Variants in ANKRD13A observed in about 807,000 individuals in gnomAD.
ANKRD13A encodes ankyrin repeat domain-containing protein 13A.
Under a neutral mutation model 81.3 loss-of-function variants are expected in ANKRD13A, and 48 were observed. That is an observed-to-expected ratio of 0.59 (90% CI 0.47 to 0.75). The LOEUF (loss-of-function observed/expected upper bound fraction) is 0.75, where lower values mean the gene tolerates loss of function less well. Among genes scored for constraint, ANKRD13A ranks in the 30% least tolerant of loss-of-function variants. ANKRD13A has a pLI of 0.00. For missense variants in ANKRD13A, 612 were observed against 734.0 expected, an observed-to-expected ratio of 0.83 and a Z score of 1.92; for synonymous variants, 230 against 270.1, an observed-to-expected ratio of 0.85 and a Z score of 1.45.
At position 110,024,105 on chromosome 12, in the gene ANKRD13A, A is replaced by G; in HGVS notation, c.794A>G (p.Glu265Gly). ...AAAGCAGAAGTTGTTAATGGTTACG[A>G]AGCAAAGGTAAAAGGAAACTCTTAA... ...TDKAEVVNGY[E>G]AKVYTVNNVN... Residue 265 changes from glutamate (E) to glycine (G), a missense_variant, in exon 7 of 15, where the codon GAA becomes GGA. By Grantham distance (98) the Glu-to-Gly change is moderately conservative. Transcript: ENST00000261739. The G allele has an allele frequency of 6.2e-7, 1 of 1,605,086 alleles. No homozygotes were observed. Among genetic ancestry groups the G allele is most frequent in the Non-Finnish European group, 8.5e-7 (1 of 1,177,774 alleles).
intron 3 of ANKRD13A, among the ~76,000 whole-genome samples, chr12:110,015,615 C>T (rs777880155): frequency 4.0e-5 from 6 of 151,724 alleles, no homozygotes; most frequent in Non-Finnish European, 8.8e-5. Context: ...AGTGCTATCT[C>T]GGCTCATGGC....
chr12:110,034,725 C>G (rs987844492), intron 13 of ANKRD13A, among the ~76,000 whole-genome samples: 1 of 152,234 alleles, frequency 6.6e-6, no homozygotes, highest in African/African-American at 2.4e-5. Flanking sequence ...TTCTGTGCCT[C>G]CTGGCTCTAC....
chr12:110,027,380 C>A (rs1189635006), intron 8 of ANKRD13A: 1 of 283,738 alleles, frequency 3.5e-6, no homozygotes, highest in African/African-American at 2.2e-5. Flanking sequence ...TCCACTTTGA[C>A]AGATGAGGGA....
intron 12 of ANKRD13A, among the ~76,000 whole-genome samples, chr12:110,031,009 C>T (rs1381500171): frequency 2.6e-5 from 4 of 151,744 alleles, no homozygotes; most frequent in African/African-American, 9.7e-5. Flanking sequence ...GCAGGAGAAT[C>T]GCTTGAACTG....
chr12:110,000,429 T>G (rs1889894340), intron 1 of ANKRD13A, among the ~76,000 whole-genome samples: 2 of 152,226 alleles, frequency 1.3e-5, no homozygotes, highest in Admixed American at 1.3e-4. Context: ...AGTTTGAGAA[T>G]CACGGGTTCT....
chr12:110,017,392 G>T (rs1890851177), intron 4 of ANKRD13A, among the ~76,000 whole-genome samples: 1 of 152,130 alleles, frequency 6.6e-6, no homozygotes, highest in Non-Finnish European at 1.5e-5. Context: ...TACGTAGGCA[G>T]TTGACTGACA....
intron 4 of ANKRD13A, among the ~76,000 whole-genome samples, chr12:110,017,613 C>G (rs756012185): frequency 2.0e-5 from 3 of 152,092 alleles, no homozygotes; most frequent in Non-Finnish European, 4.4e-5. Flanking sequence ...TGCACATAGT[C>G]ACTCTTATTT....
chr12:110,028,746 A>ATTT, intron 10 of ANKRD13A, 104 bp downstream of exon 10: 1 of 1,456,492 alleles, frequency 6.9e-7, no homozygotes, highest in South Asian at 1.3e-5. Flanking sequence ...CACCACCCTT[A>ATTT]TTTTTTTTTC....
chr12:110,016,139 G>C (rs1396708305), intron 3 of ANKRD13A, among the ~76,000 whole-genome samples: 2 of 151,608 alleles, frequency 1.3e-5, no homozygotes, highest in Non-Finnish European at 2.9e-5. Flanking sequence ...TGTGGAGACA[G>C]GGTTTTGCCA....
At chr12:110,021,499 C>T (rs138415560) in intron 6 of ANKRD13A, 4,224 of 150,652 alleles carry the variant, frequency 0.028, 142 homozygotes, top group Admixed American at 0.094. Flanking sequence ...GATCTTGGCT[C>T]ACTGCAACCT....
chr12:110,035,146 T>C (rs1891950109), intron 13 of ANKRD13A, among the ~76,000 whole-genome samples: 1 of 152,146 alleles, frequency 6.6e-6, no homozygotes, highest in African/African-American at 2.4e-5. Flanking sequence ...CCCCTGCACA[T>C]CACCATCAGC....
At chr12:110,014,789 C>CTTTTTTTTTTTT (rs761398140) in intron 3 of ANKRD13A, among the ~76,000 whole-genome samples, 4,318 of 134,764 alleles carry the variant, frequency 0.032, 388 homozygotes, top group African/African-American at 0.11. Flanking sequence ...CATTTCTCTT[C>CTTTTTTTTTTTT]TTTTTTTTTT....
intron 10 of ANKRD13A, 96 bp downstream of exon 10, chr12:110,028,738 C>G: frequency 6.6e-7 from 1 of 1,524,228 alleles, no homozygotes. Flanking sequence ...GCCCTCCCCA[C>G]CACCCTTATT....
At chr12:110,035,932 G>A (rs1435407191) in intron 13 of ANKRD13A, among the ~76,000 whole-genome samples, 1 of 152,098 alleles carries the variant, frequency 6.6e-6, no homozygotes, top group African/African-American at 2.4e-5. Flanking sequence ...ACAAAAACCT[G>A]CTTTGGTCAC....
chr12:110,031,537 G>A (rs2137172929), intron 12 of ANKRD13A, among the ~76,000 whole-genome samples: 2 of 152,182 alleles, frequency 1.3e-5, no homozygotes, highest in Middle Eastern at 6.8e-3. Flanking sequence ...TTTTATTAGA[G>A]ACTGGGTTTC....
rs112277486 is a variant in ANKRD13A at position 110,037,798 on chromosome 12, C to T, written c.*244C>T. ...CAGGCTAAGGGGAGGAGAGCATCAT[C>T]ACTTTCCATTAGCTGTATTGGCTTG... On this transcript the variant is annotated 3_prime_UTR_variant, in exon 15 of 15. Transcript: ENST00000261739. The T allele has an allele frequency of 7.6e-6, 3 of 394,938 alleles. No individual in the cohort carries two copies. The highest frequency in any genetic ancestry group is 4.0e-5 in the African/African-American group (2 of 49,394). The allele number at this position is 394,938 out of a possible 1,614,324, so 24.5% of individuals were successfully genotyped here.
intron 13 of ANKRD13A, among the ~76,000 whole-genome samples, chr12:110,034,382 C>A (rs1433470254): frequency 6.6e-6 from 1 of 152,128 alleles, no homozygotes; most frequent in Non-Finnish European, 1.5e-5. Context: ...CCTAAACTCT[C>A]TCTGGGTCTC....
chr12:110,031,855 T>C (rs1891710501), intron 12 of ANKRD13A, among the ~76,000 whole-genome samples: 1 of 152,018 alleles, frequency 6.6e-6, no homozygotes, highest in Non-Finnish European at 1.5e-5. Context: ...TGAATCGTTT[T>C]TAAAAATTTT....
intron 7 of ANKRD13A, among the ~76,000 whole-genome samples, chr12:110,025,330 T>C (rs1196652662): frequency 7.0e-6 from 1 of 143,082 alleles, no homozygotes; most frequent in Non-Finnish European, 1.5e-5. Flanking sequence ...CACTCCAGCC[T>C]GGGCAACAGA....
Sources: allele counts gnomAD v4.1 joint callset (sites outside exome capture counted in the v4.1 genomes callset), GRCh38; gene constraint gnomAD v4.1.1; transcripts MANE v1.5; gene names NCBI Gene and HGNC (gene_info 2026-07-23, HGNC 2026-07-21).